The following LRRC63 variants were observed in gnomAD, a reference collection of about 807,000 sequenced individuals.
LRRC63 encodes leucine rich repeat containing 63.
LRRC63 carries 40 observed loss-of-function variants against 49.5 expected under a neutral mutation model. The ratio of observed to expected loss-of-function variants is 0.81; its 90% CI spans 0.63 to 1.05. LRRC63 has a LOEUF of 1.05. Among genes scored for constraint, LRRC63 ranks in the 50% least tolerant of loss-of-function variants. The pLI is 0.00. For missense variants in LRRC63, 636 were observed against 663.1 expected (o/e 0.96, Z 0.45); for synonymous variants, 191 against 221.1 (o/e 0.86, Z 1.21).
At chr13:46,243,667 G>A (rs936736034) in intron 5 of LRRC63, among the ~76,000 whole-genome samples, 14 of 152,264 alleles carry the variant, frequency 9.2e-5, no homozygotes, top group Non-Finnish European at 1.9e-4. Context: ...GAGGGCCATC[G>A]TATAAAAACC....
At chr13:46,244,153 T>G (rs189863877) in intron 5 of LRRC63, among the ~76,000 whole-genome samples, 1 of 152,314 alleles carries the variant, frequency 6.6e-6, no homozygotes, top group Non-Finnish European at 1.5e-5. Flanking sequence ...ATAAATACAT[T>G]AATCATATAT....
exon 9 of LRRC63, chr13:46,266,773 T>C (rs1173196231): frequency 1.9e-6 from 3 of 1,549,950 alleles, no homozygotes; most frequent in Non-Finnish European, 2.6e-6. Flanking sequence ...TGAACTGAGT[T>C]TTTTCCCCCA....
chr13:46,265,241 A>C (rs565672314), intron 8 of LRRC63, among the ~76,000 whole-genome samples: 1 of 152,224 alleles, frequency 6.6e-6, no homozygotes, highest in Non-Finnish European at 1.5e-5. Context: ...GTGTCCTCCG[A>C]GGTAAACCAA....
intron 6 of LRRC63, among the ~76,000 whole-genome samples, chr13:46,248,502 C>T (rs1194549356): frequency 6.6e-6 from 1 of 151,670 alleles, no homozygotes; most frequent in Non-Finnish European, 1.5e-5. Context: ...AGAGACTATA[C>T]TAATATCAGA....
intron 4 of LRRC63, 27 bp from the exon 5 acceptor site, chr13:46,234,165 A>ATGTTT (rs1170026724): frequency 1.8e-5 from 27 of 1,519,344 alleles, no homozygotes; most frequent in South Asian, 2.4e-5. Context: ...TTTAAATTTT[A>ATGTTT]TGTTTTGTTT....
intron 8 of LRRC63, among the ~76,000 whole-genome samples, chr13:46,264,981 A>T (rs1257803336): frequency 6.6e-6 from 1 of 151,890 alleles, no homozygotes; most frequent in Non-Finnish European, 1.5e-5. Flanking sequence ...ACATGGTGAA[A>T]CCCCGTCTCT....
chr13:46,227,977 G>A lies in LRRC63; in HGVS notation c.551G>A (p.Ser184Asn), dbSNP rs1263339561. The change falls in exon 3 of 10, where the codon AGT becomes AAT. Residue 184 changes from serine to asparagine, a missense_variant. Physicochemically the swap from Ser to Asn is conservative, Grantham distance 46. Transcript: ENST00000595396. ...CCTAAGCATCAACCTTTACCAGAGAGTCCAGGCTATACTTATCAGCACATC... is the reference window on the plus strand; with the variant it reads ...CCTAAGCATCAACCTTTACCAGAGAATCCAGGCTATACTTATCAGCACATC... 11 of 1,550,982 alleles carry A rather than the reference G, an allele frequency of 7.1e-6. No individual in the cohort carries two copies. In the East Asian group the frequency reaches 2.4e-4, roughly 34 times the overall value.
Position 46,241,353 on chromosome 13 carries a change from G to A in LRRC63, c.991-5174G>A, listed in dbSNP as rs539343781. Reference sequence around the variant, plus strand: ...TATATTAAAGACTTTAATGTAAAATGCAAAACTATAAAAACCCTGGAAGAC... The same window carrying A: ...TATATTAAAGACTTTAATGTAAAATACAAAACTATAAAAACCCTGGAAGAC... On this transcript the variant is annotated intron_variant, in intron 5 of 9. Transcript: ENST00000595396. 1.9e-4 allele frequency among the ~76,000 whole-genome samples: 29 copies of A among 152,148 alleles called. No homozygotes were observed. In the South Asian group the frequency reaches 5.8e-3, roughly 30 times the overall value.
chr13:46,262,943 C>T (rs2047635424), intron 8 of LRRC63, among the ~76,000 whole-genome samples: 1 of 152,072 alleles, frequency 6.6e-6, no homozygotes, highest in African/African-American at 2.4e-5. Flanking sequence ...TTCCATTTAG[C>T]AGAATGAGAT....
At chr13:46,229,236 G>A (rs1178020843) in intron 4 of LRRC63, among the ~76,000 whole-genome samples, 1 of 152,032 alleles carries the variant, frequency 6.6e-6, no homozygotes, top group African/African-American at 2.4e-5. Flanking sequence ...AGAATTATTG[G>A]GCACATTTTT....
At chr13:46,252,455 T>C (rs1164246159) in intron 7 of LRRC63, among the ~76,000 whole-genome samples, 2 of 152,080 alleles carry the variant, frequency 1.3e-5, no homozygotes, top group Non-Finnish European at 1.5e-5. Flanking sequence ...TGTTATACTT[T>C]CATTCTTGTA....
intron 7 of LRRC63, among the ~76,000 whole-genome samples, chr13:46,260,616 A>T (rs2047599535): frequency 6.6e-6 from 1 of 152,216 alleles, no homozygotes; most frequent in South Asian, 2.1e-4. Flanking sequence ...CAGAAGAGGC[A>T]TCTCACCCAG....
At chr13:46,223,161 T>C (rs998349369) in intron 2 of LRRC63, among the ~76,000 whole-genome samples, 3 of 151,490 alleles carry the variant, frequency 2.0e-5, no homozygotes, top group East Asian at 3.9e-4. Context: ...TGTATACATA[T>C]GTAACTAACC....
chr13:46,276,634 G>A, exon 10 of LRRC63: 1 of 1,231,216 alleles, frequency 8.1e-7, no homozygotes, highest in Non-Finnish European at 1.0e-6. Context: ...TTTGGTGAAG[G>A]TTTTCGTGTC....
chr13:46,249,750 A>G (rs1426192285), intron 6 of LRRC63, among the ~76,000 whole-genome samples: 3 of 151,998 alleles, frequency 2.0e-5, no homozygotes, highest in Non-Finnish European at 4.4e-5. Context: ...TGAATTTAAT[A>G]TTAAAGAGAA....
chr13:46,233,584 T>C (rs1023490300), intron 4 of LRRC63, among the ~76,000 whole-genome samples: 1 of 152,200 alleles, frequency 6.6e-6, no homozygotes, highest in African/African-American at 2.4e-5. Flanking sequence ...ACATTTGGTG[T>C]ATACTTGCAT....
At chr13:46,259,048 C>T (rs1364941624) in intron 7 of LRRC63, among the ~76,000 whole-genome samples, 1 of 152,078 alleles carries the variant, frequency 6.6e-6, no homozygotes, top group African/African-American at 2.4e-5. Flanking sequence ...TAAGGTTTTG[C>T]TTTGAGCAAC....
chr13:46,249,309 T>C (rs2047309522), intron 6 of LRRC63, among the ~76,000 whole-genome samples: 1 of 151,404 alleles, frequency 6.6e-6, no homozygotes, highest in Non-Finnish European at 1.5e-5. Context: ...AAATAGAAGA[T>C]AGAAAAACAG....
intron 2 of LRRC63, among the ~76,000 whole-genome samples, chr13:46,213,661 C>T (rs565999912): frequency 5.3e-5 from 8 of 152,176 alleles, no homozygotes; most frequent in South Asian, 4.1e-4. Context: ...AAGTTTCCTT[C>T]AGGTGTGAGT....
Sources: gnomAD v4.1 joint callset for allele counts (sites outside exome capture counted in the v4.1 genomes callset) on GRCh38, gnomAD v4.1.1 for gene constraint, MANE v1.5 for transcripts, NCBI Gene and HGNC (gene_info 2026-07-23, HGNC 2026-07-21) for gene names.